The following PPP1R1C variants were observed in gnomAD, a reference collection of about 807,000 sequenced individuals.
PPP1R1C encodes the protein protein phosphatase 1 regulatory subunit 1C.
A neutral mutation model predicts 17.4 loss-of-function variants in PPP1R1C; 15 were observed. The ratio of observed to expected loss-of-function variants is 0.86; its 90% CI spans 0.58 to 1.33. The LOEUF (loss-of-function observed/expected upper bound fraction) is 1.33. PPP1R1C is among the 40% of genes most tolerant of loss of function. The pLI is 0.00. For missense variants in PPP1R1C, 143 were observed against 130.0 expected, an observed-to-expected ratio of 1.10 and a Z score of -0.48; for synonymous variants, 35 against 43.1, an observed-to-expected ratio of 0.81 and a Z score of 0.73.
chr2:182,060,082 G>A (rs954837514), intron 2 of PPP1R1C, among the ~76,000 whole-genome samples: 1 of 152,072 alleles, frequency 6.6e-6, no homozygotes, highest in Admixed American at 6.6e-5. Context: ...ATCCATAGCT[G>A]CCTGAAAATG....
intron 1 of PPP1R1C, among the ~76,000 whole-genome samples, chr2:181,986,664 A>G (rs1402230915): frequency 5.9e-5 from 9 of 152,210 alleles, no homozygotes; most frequent in Admixed American, 6.5e-5. Context: ...ACACAAAACA[A>G]TGATTATAAG....
At chr2:182,077,279 C>T (rs1213151388) in intron 4 of PPP1R1C, among the ~76,000 whole-genome samples, 2 of 149,634 alleles carry the variant, frequency 1.3e-5, no homozygotes, top group Admixed American at 6.6e-5. Flanking sequence ...GATTAAGATA[C>T]ATTTTGTGAG....
chr2:182,064,308 C>G (rs1400005), intron 4 of PPP1R1C, among the ~76,000 whole-genome samples: 1 of 152,114 alleles, frequency 6.6e-6, no homozygotes, highest in African/African-American at 2.4e-5. Context: ...AGTTCAGATT[C>G]TGAAATTTTC....
At chr2:181,973,678 C>T (rs1191418878) in intron 1 of PPP1R1C, among the ~76,000 whole-genome samples, 1 of 152,132 alleles carries the variant, frequency 6.6e-6, no homozygotes, top group Non-Finnish European at 1.5e-5. Flanking sequence ...TTTGGCAAAG[C>T]AGATCTTTCT....
At chr2:181,994,561 C>G (rs1360165184) in intron 2 of PPP1R1C, among the ~76,000 whole-genome samples, 1 of 152,174 alleles carries the variant, frequency 6.6e-6, no homozygotes, top group East Asian at 1.9e-4. Context: ...AACTTCAGCA[C>G]AAGACTCACT....
chr2:181,970,515 G>A (rs1684987697), intron 1 of PPP1R1C, among the ~76,000 whole-genome samples: 1 of 152,120 alleles, frequency 6.6e-6, no homozygotes, highest in Admixed American at 6.5e-5. Flanking sequence ...TCAGTGCCGA[G>A]CTGTGCAAAG....
At chr2:182,006,372 TG>T (rs1425263615) in intron 2 of PPP1R1C, among the ~76,000 whole-genome samples, 1 of 152,164 alleles carries the variant, frequency 6.6e-6, no homozygotes, top group East Asian at 1.9e-4. Flanking sequence ...AAGGATTAGA[TG>T]AGAGAGACTA....
At chr2:182,127,247 G>A (rs1225298914) in intron 5 of PPP1R1C, among the ~76,000 whole-genome samples, 2 of 152,048 alleles carry the variant, frequency 1.3e-5, no homozygotes, top group East Asian at 1.9e-4. Flanking sequence ...GCAGTCTAGA[G>A]GGGCTAGCAT....
chr2:182,026,896 T>G (rs1414254361), intron 2 of PPP1R1C, among the ~76,000 whole-genome samples: 39 of 145,826 alleles, frequency 2.7e-4, no homozygotes, highest in Non-Finnish European at 5.6e-4. Flanking sequence ...TGAGCAGTGG[T>G]TTGTAGTTCT....
chr2:181,987,959 C>G, intron 2 of PPP1R1C, 60 bp downstream of exon 2: 1 of 1,395,994 alleles, frequency 7.2e-7, no homozygotes. Context: ...TAAAGAACAT[C>G]AAAGTACATG....
At chr2:182,009,862 C>T (rs1686038743) in intron 2 of PPP1R1C, among the ~76,000 whole-genome samples, 1 of 151,986 alleles carries the variant, frequency 6.6e-6, no homozygotes, top group Non-Finnish European at 1.5e-5. Flanking sequence ...TTTTCCAGAA[C>T]TAATTTATTA....
chr2:182,095,237 T>C (rs896989492), intron 4 of PPP1R1C, among the ~76,000 whole-genome samples: 1 of 152,052 alleles, frequency 6.6e-6, no homozygotes, highest in Admixed American at 6.6e-5. Flanking sequence ...AGGCAGAGGT[T>C]GCAGTGAGCT....
chr2:182,093,041 C>T (rs1237870473), intron 4 of PPP1R1C, among the ~76,000 whole-genome samples: 3 of 152,224 alleles, frequency 2.0e-5, no homozygotes, highest in Non-Finnish European at 4.4e-5. Flanking sequence ...CCCCTCTGCA[C>T]TGCCGCAGCA....
At chr2:182,071,894 A>G (rs1688150179) in intron 4 of PPP1R1C, among the ~76,000 whole-genome samples, 1 of 152,264 alleles carries the variant, frequency 6.6e-6, no homozygotes, top group African/African-American at 2.4e-5. Flanking sequence ...GTTTTAGAAT[A>G]TCTTTACTTT....
rs1224837708 is a variant in PPP1R1C, at chr2:181,961,901, CAT to C, written n.111+7268_111+7269del. Reference sequence around the variant, plus strand: ...TCTGTCTCCAGTGGCAGCCAAGTGACATTGGTCATCAGTGACCTTGTGGAGCC... The same window carrying C: ...TCTGTCTCCAGTGGCAGCCAAGTGACTGGTCATCAGTGACCTTGTGGAGCC... On this transcript the variant is annotated intron_variant and non_coding_transcript_variant, in intron 1 of 5. Coordinates refer to the PPP1R1C transcript ENST00000464264. This position sits in a 1 kb window ranked among gnomAD's most constrained non-coding sequence, Gnocchi z 5.8. 1 of 758,682 alleles carries C rather than the reference CAT, an allele frequency of 1.3e-6. No homozygotes were observed. Among genetic ancestry groups the C allele is most frequent in the African/African-American group, 1.7e-5 (1 of 58,628 alleles). 47.0% of individuals were successfully genotyped at this position (758,682 alleles called of 1,614,324 possible). A position where few individuals can be genotyped will look rare whatever the true frequency, so the allele number is the denominator to read the frequency against.
chr2:182,119,627 G>A (rs920343703), downstream of PPP1R1C, among the ~76,000 whole-genome samples: 4 of 152,100 alleles, frequency 2.6e-5, no homozygotes, highest in African/African-American at 7.2e-5. Context: ...ATCTCATTGT[G>A]GTTTTGATTT....
At chr2:182,115,087 A>T (rs1183082104) in intron 4 of PPP1R1C, among the ~76,000 whole-genome samples, 3 of 152,184 alleles carry the variant, frequency 2.0e-5, no homozygotes, top group Non-Finnish European at 2.9e-5. Context: ...GTGAATGAAA[A>T]AGATGAGCTC....
At chr2:181,983,305 A>G (rs1379209417), upstream of PPP1R1C, among the ~76,000 whole-genome samples, 1 of 152,182 alleles carries the variant, frequency 6.6e-6, no homozygotes, top group Non-Finnish European at 1.5e-5. Flanking sequence ...CCCCGGACAA[A>G]TTATCTAAAC....
intron 2 of PPP1R1C, among the ~76,000 whole-genome samples, chr2:182,025,677 A>G (rs1198883462): frequency 1.5e-5 from 2 of 130,082 alleles, no homozygotes; most frequent in African/African-American, 6.4e-5. Context: ...ATACGTGTGC[A>G]TGTGTCTTTA....
Sources: allele counts gnomAD v4.1 joint callset (sites outside exome capture counted in the v4.1 genomes callset), GRCh38; gene constraint gnomAD v4.1.1; non-coding constraint Gnocchi (gnomAD v3.1); transcripts MANE v1.5; gene names NCBI Gene and HGNC (gene_info 2026-07-23, HGNC 2026-07-21).